The following PCDHA5 variants were observed in gnomAD, a reference collection of about 807,000 sequenced individuals.
The protein encoded by PCDHA5 is protocadherin alpha-5.
Under a neutral mutation model 61.6 loss-of-function variants are expected in PCDHA5, and 43 were observed. That is an observed-to-expected ratio of 0.70 (90% CI 0.55 to 0.90). The LOEUF is 0.90. Among genes scored for constraint, PCDHA5 ranks in the 40% least tolerant of loss-of-function variants. The pLI is 0.00. For synonymous variants in PCDHA5, 627 were observed against 543.9 expected, an observed-to-expected ratio of 1.15 and a Z score of -2.13; for missense variants, 1,298 against 1,222.7, an observed-to-expected ratio of 1.06 and a Z score of -0.92.
intron 1 of PCDHA5, among the ~76,000 whole-genome samples, chr5:140,832,503 T>C (rs2150202042): frequency 6.6e-6 from 1 of 152,324 alleles, no homozygotes; most frequent in East Asian, 1.9e-4. Flanking sequence ...AGTGGCAGAA[T>C]TGTCTCTGAT....
chr5:140,928,368 A>G, intron 1 of PCDHA5: 3 of 1,614,212 alleles, frequency 1.9e-6, no homozygotes, highest in Non-Finnish European at 2.5e-6. Context: ...CTGAAGGGCC[A>G]TCAGCCTCTA....
rs932495728 is a variant in PCDHA5, at chr5:140,945,802, C to T, written c.2353-33147C>T. ...AGATGCAGAAAAATGAAACTAGACC[C>T]TTATCTCACACTGTATACAAAAGTC... On this transcript the variant is annotated intron_variant, in intron 1 of 3. Coordinates refer to ENST00000529859, the MANE Select transcript of PCDHA5 (RefSeq NM_018908.3). Among the ~76,000 whole-genome samples the T allele has an allele frequency of 5.9e-5, 9 of 152,202 alleles. No homozygotes were observed. The East Asian group carries it at 1.7e-3, about 29-fold the overall frequency.
chr5:140,829,701 C>A, intron 1 of PCDHA5: 1 of 1,613,356 alleles, frequency 6.2e-7, no homozygotes, highest in Non-Finnish European at 8.5e-7. Context: ...CAGGTGAGCG[C>A]GCGCGACGCG....
chr5:140,860,328 C>G (rs971322066), intron 1 of PCDHA5: 8 of 151,880 alleles, frequency 5.3e-5, no homozygotes, highest in Non-Finnish European at 1.0e-4. Context: ...CTGCAGTGAC[C>G]CATGATTGTG....
chr5:140,904,926 A>G (rs1459530811), intron 1 of PCDHA5, among the ~76,000 whole-genome samples: 1 of 152,130 alleles, frequency 6.6e-6, no homozygotes, highest in Admixed American at 6.5e-5. Context: ...ACTTCCTTGT[A>G]GGTTCTGGAT....
intron 1 of PCDHA5, among the ~76,000 whole-genome samples, chr5:140,964,342 C>T (rs2095825714): frequency 6.6e-6 from 1 of 152,184 alleles, no homozygotes; most frequent in Non-Finnish European, 1.5e-5. Context: ...TGGCAGGTGT[C>T]CTTGCTGGAA....
chr5:140,828,469 T>C, intron 1 of PCDHA5: 1 of 1,614,142 alleles, frequency 6.2e-7, no homozygotes, highest in Non-Finnish European at 8.5e-7. Flanking sequence ...TGAGGGACAT[T>C]AACGACAACC....
chr5:140,877,657 G>T (rs1554169952), intron 1 of PCDHA5: 2 of 1,613,570 alleles, frequency 1.2e-6, no homozygotes, highest in East Asian at 2.2e-5. Context: ...GCCGCCCACC[G>T]TGAGCCGGTG....
chr5:140,992,558 G>A (rs567645353), intron 3 of PCDHA5, among the ~76,000 whole-genome samples: 27 of 152,256 alleles, frequency 1.8e-4, no homozygotes, highest in African/African-American at 5.8e-4. Context: ...CCAGGAGATG[G>A]GGCAACACAT....
chr5:140,849,565 T>C (rs2040964471), intron 1 of PCDHA5: 4 of 1,598,566 alleles, frequency 2.5e-6, no homozygotes, highest in South Asian at 2.2e-5. Context: ...ACGCTCTCGG[T>C]TCCTGTAAAA....
rs2150117634 is a variant in PCDHA5, at chr5:140,822,593, A to T, written c.818A>T (p.Asn273Ile). The T allele has an allele frequency of 4.3e-6, 7 of 1,611,492 alleles. No homozygotes were observed. In the Admixed American group the frequency reaches 1.2e-4, roughly 27 times the overall value. Residue 273 changes from asparagine (N) to isoleucine (I), a missense_variant, in exon 1 of 4, where the codon AAT (asparagine) becomes ATT (isoleucine). Physicochemically the swap from Asn to Ile is moderately radical, Grantham distance 149. Transcript: ENST00000529859. ...GCCTCAGATGCAGATGAGGGCATCA[A>T]TAAGGAAATAGTGTATTTCTTTAGT... is the stretch of plus-strand genomic sequence containing the variant. The part of the protein sequence containing the change: ...LNASDADEGI[N>I]KEIVYFFSNL...
chr5:140,961,965 C>T (rs1292120191), intron 1 of PCDHA5, among the ~76,000 whole-genome samples: 9 of 151,536 alleles, frequency 5.9e-5, no homozygotes, highest in Non-Finnish European at 8.8e-5. Context: ...CTCACTGCAA[C>T]CTCCGCCTCC....
chr5:140,849,832 C>G lies in PCDHA5; in HGVS notation c.2352+25705C>G. The G allele has an allele frequency of 6.3e-7, 1 of 1,598,398 alleles. No individual in the cohort carries two copies. The highest frequency in any genetic ancestry group is 1.1e-5 in the South Asian group (1 of 90,532). On this transcript the variant is annotated intron_variant, in intron 1 of 3. Coordinates refer to ENST00000529859, the MANE Select transcript of PCDHA5 (RefSeq NM_018908.3). ...ACGGCCAGGGTGTCTGTGGAGGTGGCCGACGTGAACGACAACGCACCAGCG... is the reference window on the plus strand; with the variant it reads ...ACGGCCAGGGTGTCTGTGGAGGTGGGCGACGTGAACGACAACGCACCAGCG...
intron 1 of PCDHA5, among the ~76,000 whole-genome samples, chr5:140,975,280 T>G (rs914764307): frequency 5.3e-5 from 8 of 152,252 alleles, no homozygotes; most frequent in Admixed American, 3.9e-4. Context: ...CTCTGACCTC[T>G]AGACCCAGAT....
intron 1 of PCDHA5, chr5:140,836,460 C>G (rs2150261551): frequency 6.2e-7 from 1 of 1,613,848 alleles, no homozygotes; most frequent in South Asian, 1.1e-5. Context: ...AGAGACCGAG[C>G]TGGTGGATGT....
At chr5:140,859,397 A>C in intron 1 of PCDHA5, 1 of 262,266 alleles carries the variant, frequency 3.8e-6, no homozygotes, top group Non-Finnish European at 6.9e-6. Flanking sequence ...CATCTTAAAC[A>C]GGGTTGGGTT....
chr5:140,949,659 T>A (rs940241933), intron 1 of PCDHA5, among the ~76,000 whole-genome samples: 12 of 151,994 alleles, frequency 7.9e-5, no homozygotes, highest in Middle Eastern at 6.8e-3. Context: ...TACTTTTGTT[T>A]CTTTAAAGTA....
chr5:141,000,389 C>CTA (rs2097911342), intron 3 of PCDHA5, among the ~76,000 whole-genome samples: 14 of 62,576 alleles, frequency 2.2e-4, no homozygotes, highest in South Asian at 6.5e-4. Context: ...CTCTCTCTCT[C>CTA]TCTCTCTATA....
chr5:140,969,547 A>C, intron 1 of PCDHA5: 10 of 1,244,334 alleles, frequency 8.0e-6, no homozygotes, highest in Non-Finnish European at 9.8e-6. Flanking sequence ...AGAGGCATGA[A>C]GCCTTGTCCA....
Sources: allele counts gnomAD v4.1 joint callset (sites outside exome capture counted in the v4.1 genomes callset), GRCh38; gene constraint gnomAD v4.1.1; transcripts MANE v1.5; gene names NCBI Gene and HGNC (gene_info 2026-07-23, HGNC 2026-07-21).